Variants in NIN observed in about 807,000 individuals in gnomAD.
NIN encodes ninein, also known as glycogen synthase kinase 3 beta-interacting protein.
A neutral mutation model predicts 257.6 loss-of-function variants in NIN; 137 were observed. That is an observed-to-expected ratio of 0.53 (90% CI 0.46 to 0.61). The LOEUF (loss-of-function observed/expected upper bound fraction) is 0.61, where lower values mean the gene tolerates loss of function less well. Among genes scored for constraint, NIN ranks in the 20% least tolerant of loss-of-function variants. The probability of loss-of-function intolerance (pLI) is 0.00; values close to 1 mark genes in which losing one functional copy is unlikely to be tolerated. For missense variants in NIN, 2,439 were observed against 2,501.2 expected (o/e 0.98, Z 0.53); for synonymous variants, 918 against 919.8 (o/e 1.00, Z 0.04).
At chr14:50,790,747 T>C (rs958968386) in intron 5 of NIN, among the ~76,000 whole-genome samples, 2 of 152,194 alleles carry the variant, frequency 1.3e-5, no homozygotes, top group African/African-American at 4.8e-5. Flanking sequence ...GGTGAAATGA[T>C]ACTCCCAAAA....
intron 7 of NIN, among the ~76,000 whole-genome samples, chr14:50,774,265 T>C (rs903377242): frequency 6.6e-6 from 1 of 152,218 alleles, no homozygotes; most frequent in Admixed American, 6.5e-5. Context: ...AATATTCCTT[T>C]TGTAAATCTG....
intron 7 of NIN, among the ~76,000 whole-genome samples, chr14:50,775,815 C>G (rs935178209): frequency 6.6e-6 from 1 of 152,004 alleles, no homozygotes; most frequent in African/African-American, 2.4e-5. Flanking sequence ...CACTGATTTA[C>G]AATTCAGGAG....
At chr14:50,751,218 G>T (rs1291793764) in intron 21 of NIN, among the ~76,000 whole-genome samples, 1 of 152,184 alleles carries the variant, frequency 6.6e-6, no homozygotes, top group Non-Finnish European at 1.5e-5. Context: ...ATTAGAAACA[G>T]TGCTGCAGTG....
At chr14:50,752,025 C>G (rs1478917916) in intron 21 of NIN, among the ~76,000 whole-genome samples, 1 of 152,014 alleles carries the variant, frequency 6.6e-6, no homozygotes, top group Non-Finnish European at 1.5e-5. Context: ...ATCTTTTTGC[C>G]AAGTAAACTT....
chr14:50,739,368 A>G lies in NIN; in HGVS notation c.5568T>C (p.Asn1856=), dbSNP rs2041160968. 1.9e-6 allele frequency: 3 copies of G among 1,614,214 alleles called. No individual in the cohort carries two copies. The highest frequency in any genetic ancestry group is 1.7e-5 in the Admixed American group (1 of 60,034). The change falls in exon 26 of 31, where the codon AAT becomes AAC. Residue 1856 remains asparagine (N), a synonymous_variant. Transcript: ENST00000530997. ...NEEQQLLWQE[N]ERLQTMVQNT... ...TCTGTACCATGGTCTGGAGCCTCTC[A>G]TTCTCTTGCCAAAGCAGCTGCTGTT...
chr14:50,723,449 A>G lies in NIN; in HGVS notation c.*14T>C. 1 of 1,602,992 alleles carries G rather than the reference A, an allele frequency of 6.2e-7. No homozygotes were observed. Among genetic ancestry groups the G allele is most frequent in the South Asian group, 1.1e-5 (1 of 90,808 alleles). On this transcript the variant is annotated 3_prime_UTR_variant, in exon 31 of 31. Transcript: ENST00000530997. ...CAGTAAAGTGCACAAATATGAGTGT[A>G]CCCTTTGGTTTGGCTATGACCTCAA... is the stretch of plus-strand genomic sequence containing the variant.
intron 15 of NIN, 126 bp downstream of exon 15, chr14:50,763,700 G>T: frequency 1.3e-6 from 1 of 786,582 alleles, no homozygotes; most frequent in Non-Finnish European, 1.9e-6. Context: ...CAAGAAAAGA[G>T]TATGGCCAAA....
intron 4 of NIN, 140 bp from the exon 5 acceptor site, chr14:50,793,021 G>T: frequency 1.3e-6 from 1 of 780,892 alleles, no homozygotes; most frequent in Non-Finnish European, 2.1e-6. Context: ...GGCTGTGGGT[G>T]TATATGAGCC....
At chr14:50,765,736 A>G (rs1406420122) in intron 14 of NIN, among the ~76,000 whole-genome samples, 5 of 144,686 alleles carry the variant, frequency 3.5e-5, no homozygotes, top group Admixed American at 1.4e-4. Flanking sequence ...ATGTATTCAG[A>G]AAAAAAAAAA....
Position 50,756,523 on chromosome 14 carries a change from T to A in NIN, c.4507A>T (p.Ser1503Cys). The A allele has an allele frequency of 1.2e-6, 2 of 1,610,818 alleles. No homozygotes were observed. Among genetic ancestry groups the A allele is most frequent in the Non-Finnish European group, 1.7e-6 (2 of 1,178,724 alleles). The change falls in exon 18 of 31, where the codon AGT (serine) becomes TGT (cysteine). Residue 1503 changes from serine to cysteine, a missense_variant. Around this residue, in one of 3 missense-constraint regions of NIN, gnomAD observed 2,043 missense variants for 2,050.2 expected, o/e 1.00. Coordinates refer to ENST00000530997, the MANE Select transcript of NIN (RefSeq NM_020921.4). The stretch of plus-strand genomic sequence containing the variant: ...AGTTCAACTTTTTGCTGCATCTCAC[T>A]GCACGTGATCTGCAAGTCATGCATC... ...AMMHDLQITC[S>C]EMQQKVELLR...
chr14:50,811,544 CTTTTTT>C (rs55734117), intron 3 of NIN, among the ~76,000 whole-genome samples: 1 of 75,276 alleles, frequency 1.3e-5, no homozygotes, highest in Admixed American at 1.8e-4. Flanking sequence ...AATGGTCAAG[CTTTTTT>C]TTTTTTTTTT....
intron 27 of NIN, among the ~76,000 whole-genome samples, chr14:50,737,227 C>T (rs1257869610): frequency 2.0e-5 from 3 of 152,186 alleles, no homozygotes; most frequent in Non-Finnish European, 4.4e-5. Context: ...AAGCCAGATG[C>T]TACACCCTGA....
chr14:50,760,973 C>T (rs1280681577), intron 16 of NIN, among the ~76,000 whole-genome samples: 1 of 152,152 alleles, frequency 6.6e-6, no homozygotes, highest in Non-Finnish European at 1.5e-5. Flanking sequence ...CCTGCTGGGT[C>T]TTAAAATACT....
intron 3 of NIN, among the ~76,000 whole-genome samples, chr14:50,809,250 A>C (rs774899046): frequency 2.0e-5 from 3 of 152,154 alleles, no homozygotes; most frequent in African/African-American, 7.2e-5. Flanking sequence ...AATCAGGGTC[A>C]TATTTTCAAG....
intron 28 of NIN, 76 bp from the exon 29 acceptor site, chr14:50,729,799 G>A: frequency 1.8e-6 from 2 of 1,120,864 alleles, no homozygotes; most frequent in Admixed American, 2.9e-5. Flanking sequence ...GTCAGGCAGT[G>A]AGTAATGAAG....
chr14:50,794,972 C>T (rs777390999), intron 4 of NIN, among the ~76,000 whole-genome samples: 137 of 152,198 alleles, frequency 9.0e-4, no homozygotes, highest in Middle Eastern at 3.4e-3. Context: ...CAGCAGGGAC[C>T]CTGTGGAGTT....
intron 7 of NIN, among the ~76,000 whole-genome samples, chr14:50,776,181 G>A (rs143764376): frequency 1.3e-5 from 2 of 152,186 alleles, no homozygotes; most frequent in East Asian, 1.9e-4. Flanking sequence ...TTTTCAGCTC[G>A]TTGAAAGGCA....
At chr14:50,822,338 G>A (rs370622291) in intron 2 of NIN, among the ~76,000 whole-genome samples, 2 of 152,256 alleles carry the variant, frequency 1.3e-5, no homozygotes, top group South Asian at 4.1e-4. Context: ...AGAATGAGAG[G>A]GTCACGTACA....
chr14:50,757,281 A>G lies in NIN; in HGVS notation c.3749T>C (p.Leu1250Pro), dbSNP rs896607535. Residue 1250 changes from leucine (L) to proline (P), a missense_variant, in exon 18 of 31, where the codon CTG becomes CCG. Physicochemically the swap from Leu to Pro is moderately conservative, Grantham distance 98. This residue lies in a region of NIN where 2,043 missense variants were observed against 2,050.2 expected (regional missense o/e 1.00). Transcript: ENST00000530997. ...TTCTCGGCTCACATCTTCATACAAC[A>G]GCTTATATTTGGGAGAAGCCTCAGG... ...RIPEASPKYK[L>P]LYEDVSREND... 1.1e-5 allele frequency: 17 copies of G among 1,613,932 alleles called. No homozygotes were observed. The Admixed American group carries it at 2.2e-4, about 21-fold the overall frequency.
Sources: allele counts gnomAD v4.1 joint callset (sites outside exome capture counted in the v4.1 genomes callset), GRCh38; gene constraint gnomAD v4.1.1; regional missense constraint gnomAD v4.1.1; transcripts MANE v1.5; gene names NCBI Gene and HGNC (gene_info 2026-07-23, HGNC 2026-07-21).